MRPS27: variants seen among roughly 807,000 people sequenced by gnomAD.
MRPS27 encodes mitochondrial ribosomal protein S27.
MRPS27 carries 43 observed loss-of-function variants against 48.9 expected under a neutral mutation model. The ratio of observed to expected loss-of-function variants is 0.88; its 90% confidence interval spans 0.69 to 1.13. MRPS27 has a LOEUF of 1.13. Ranked by LOEUF, MRPS27 falls within the 50% of genes most tolerant of loss-of-function variation. MRPS27 has a pLI of 0.00. For synonymous variants in MRPS27, 188 were observed against 171.9 expected, an observed-to-expected ratio of 1.09 and a Z score of -0.73; for missense variants, 467 against 476.3, an observed-to-expected ratio of 0.98 and a Z score of 0.18.
intron 4 of MRPS27, among the ~76,000 whole-genome samples, chr5:72,278,315 C>T (rs777832081): frequency 6.6e-5 from 10 of 151,776 alleles, no homozygotes; most frequent in Non-Finnish European, 8.8e-5. Flanking sequence ...TGGTGGCGAG[C>T]GCCTCTAGTC....
intron 4 of MRPS27, among the ~76,000 whole-genome samples, chr5:72,243,469 T>C (rs1029395366): frequency 1.3e-5 from 2 of 152,190 alleles, no homozygotes; most frequent in African/African-American, 2.4e-5. Context: ...GACTATTATA[T>C]TTTTGTCAAG....
At chr5:72,270,298 C>A (rs1439471240) in intron 4 of MRPS27, among the ~76,000 whole-genome samples, 1 of 150,542 alleles carries the variant, frequency 6.6e-6, no homozygotes, top group Non-Finnish European at 1.5e-5. Context: ...AAAAAATACT[C>A]ATTAATTAAA....
At chr5:72,225,172 T>C (rs1047020065) in intron 9 of MRPS27, among the ~76,000 whole-genome samples, 1 of 152,216 alleles carries the variant, frequency 6.6e-6, no homozygotes, top group African/African-American at 2.4e-5. Context: ...GAGAAATGTA[T>C]ATCCTTTGTT....
At chr5:72,277,198 A>C (rs1185699480) in intron 4 of MRPS27, among the ~76,000 whole-genome samples, 1 of 152,224 alleles carries the variant, frequency 6.6e-6, no homozygotes, top group African/African-American at 2.4e-5. Context: ...AGCAATTATT[A>C]AAAAGTGAAA....
intron 1 of MRPS27, among the ~76,000 whole-genome samples, chr5:72,319,467 G>A (rs1265689579): frequency 1.3e-5 from 2 of 151,434 alleles, no homozygotes; most frequent in Non-Finnish European, 2.9e-5. Context: ...TTTATCTGAC[G>A]TCCCTCTAAA....
chr5:72,252,332 T>A lies in MRPS27; in HGVS notation c.282-14204A>T, dbSNP rs548148647. ...ATGTAGCATACTAAAGAACTTGCTT[T>A]TTTTTTCTGAGCATTTAGAACTTTT... is the stretch of plus-strand genomic sequence containing the variant. On this transcript the variant is annotated intron_variant, in intron 4 of 10. Transcript: ENST00000261413. Among the ~76,000 whole-genome samples, 566 of 152,324 alleles carry A rather than the reference T, an allele frequency of 3.7e-3. 1 individual carries two copies. The highest frequency in any genetic ancestry group is 0.013 in the African/African-American group (550 of 41,564).
chr5:72,288,489 C>T (rs1202438172), intron 4 of MRPS27, among the ~76,000 whole-genome samples: 2 of 152,304 alleles, frequency 1.3e-5, no homozygotes, highest in East Asian at 1.9e-4. Context: ...GGATTACAGG[C>T]GTGAGCCACT....
At position 72,315,471 on chromosome 5, in the gene MRPS27, C is replaced by T. The variant is rs558233194; in HGVS notation, c.74-1313G>A. ...ACTCAGGAGGCTGAGGTGGGAGAAT[C>T]GACTGAGCCCGGGAGGCAGAGGTTG... On this transcript the variant is annotated intron_variant, in intron 1 of 10. Coordinates refer to ENST00000261413, the MANE Select transcript of MRPS27 (RefSeq NM_015084.3). 9.1e-4 allele frequency among the ~76,000 whole-genome samples: 137 copies of T among 150,440 alleles called. 1 individual carries two copies. Among genetic ancestry groups the T allele is most frequent in the African/African-American group, 3.0e-3 (121 of 40,882 alleles).
At chr5:72,234,319 C>G in intron 5 of MRPS27, 122 bp from the exon 6 acceptor site, 3 of 836,492 alleles carry the variant, frequency 3.6e-6, no homozygotes, top group Non-Finnish European at 4.8e-6. Flanking sequence ...ATTTGACTAT[C>G]ATTTTACAGC....
Position 72,297,716 on chromosome 5 carries a change from A to G in MRPS27, c.152-14T>C. The G allele has an allele frequency of 6.5e-7, 1 of 1,531,332 alleles. No homozygotes were observed. Among genetic ancestry groups the G allele is most frequent in the Non-Finnish European group, 8.8e-7 (1 of 1,135,928 alleles). 94.9% of individuals were successfully genotyped at this position (1,531,332 alleles called of 1,614,324 possible). ...ATGCAAGATCAGCTGTGAAGACAAA[A>G]AAAGAAAAAAAACCTTGTTAAAGAT... On this transcript the variant is annotated splice_polypyrimidine_tract_variant and intron_variant, in intron 2 of 10. Transcript: ENST00000261413.
chr5:72,238,942 G>A (rs2111962661), intron 4 of MRPS27, among the ~76,000 whole-genome samples: 1 of 152,126 alleles, frequency 6.6e-6, no homozygotes, highest in Admixed American at 6.5e-5. Context: ...AGACTGACTG[G>A]AGATTGAGCT....
intron 4 of MRPS27, among the ~76,000 whole-genome samples, chr5:72,239,127 A>G (rs1317431497): frequency 1.3e-5 from 2 of 152,150 alleles, no homozygotes; most frequent in Admixed American, 1.3e-4. Flanking sequence ...CTTTTTCTTA[A>G]AAAGAAAAAG....
In MRPS27 at chr5:72,275,892, A is replaced by G. The variant is rs149170012; in HGVS notation, c.281+19639T>C. Among the ~76,000 whole-genome samples the G allele has an allele frequency of 3.7e-3, 566 of 152,118 alleles. 1 individual carries two copies. Among genetic ancestry groups the G allele is most frequent in the African/African-American group, 0.013 (550 of 41,494 alleles). On this transcript the variant is annotated intron_variant, in intron 4 of 10. Coordinates refer to ENST00000261413, the MANE Select transcript of MRPS27 (RefSeq NM_015084.3). The stretch of plus-strand genomic sequence containing the variant: ...AAAGGGGAAGGGGTGTCTATAGTGA[A>G]CCAGAAAGTTAGTCCTCTTTCCAAA...
chr5:72,300,430 C>A (rs1750096180), intron 2 of MRPS27, among the ~76,000 whole-genome samples: 2 of 152,170 alleles, frequency 1.3e-5, no homozygotes, highest in African/African-American at 4.8e-5. Context: ...ACATACCTAC[C>A]CTGTCTTCTC....
intron 4 of MRPS27, among the ~76,000 whole-genome samples, chr5:72,256,070 T>C (rs966040518): frequency 2.6e-5 from 4 of 152,238 alleles, no homozygotes; most frequent in Admixed American, 6.5e-5. Context: ...CTCCTGATCC[T>C]GGAATGAAGT....
intron 4 of MRPS27, among the ~76,000 whole-genome samples, chr5:72,251,929 C>T (rs546129635): frequency 3.3e-5 from 5 of 152,322 alleles, no homozygotes; most frequent in African/African-American, 4.8e-5. Flanking sequence ...GAGTTTAAGG[C>T]TGAAAGCACC....
chr5:72,298,474 T>C (rs944869184), intron 2 of MRPS27, among the ~76,000 whole-genome samples: 1 of 151,740 alleles, frequency 6.6e-6, no homozygotes, highest in Admixed American at 6.6e-5. Context: ...AGTTTGGAGA[T>C]CTCTCAAATA....
intron 4 of MRPS27, among the ~76,000 whole-genome samples, chr5:72,284,169 T>C (rs1373205883): frequency 6.6e-6 from 1 of 151,768 alleles, no homozygotes; most frequent in East Asian, 1.9e-4. Context: ...TCCCAGCACT[T>C]TGGGAGGCCG....
intron 4 of MRPS27, chr5:72,241,783 G>T: frequency 8.3e-7 from 1 of 1,211,794 alleles, no homozygotes; most frequent in South Asian, 1.3e-5. Context: ...CGCCTGCTCT[G>T]ACCACCAGCC....
Sources: gnomAD v4.1 joint callset for allele counts (sites outside exome capture counted in the v4.1 genomes callset) on GRCh38, gnomAD v4.1.1 for gene constraint, MANE v1.5 for transcripts, NCBI Gene and HGNC (gene_info 2026-07-23, HGNC 2026-07-21) for gene names.